The following ST6GAL2 variants were observed in gnomAD, a reference collection of about 807,000 sequenced individuals.
The protein encoded by ST6GAL2 is ST6 beta-galactoside alpha-2,6-sialyltransferase 2, also known as beta-galactoside alpha-2,6-sialyltransferase 2.
ST6GAL2 carries 24 observed loss-of-function variants against 37.5 expected under a neutral mutation model. That is an observed-to-expected ratio of 0.64 (90% CI 0.46 to 0.90). ST6GAL2 has a LOEUF of 0.90. Among genes scored for constraint, ST6GAL2 ranks in the 40% least tolerant of loss-of-function variants. The pLI is 0.00. For synonymous variants in ST6GAL2, 306 were observed against 295.1 expected, an observed-to-expected ratio of 1.04 and a Z score of -0.38; for missense variants, 715 against 712.7, an observed-to-expected ratio of 1.00 and a Z score of -0.04.
intron 2 of ST6GAL2, among the ~76,000 whole-genome samples, chr2:106,836,944 C>CAAAAAAAAAAAAAAAAAAAAA (rs10700905): frequency 1.2e-5 from 1 of 85,726 alleles, no homozygotes; most frequent in Non-Finnish European, 2.0e-5. Flanking sequence ...AATTCCATCT[C>CAAAAAAAAAAAAAAAAAAAAA]AAAAAAAAAA....
At chr2:106,877,148 A>G (rs1678538810) in intron 1 of ST6GAL2, among the ~76,000 whole-genome samples, 1 of 152,204 alleles carries the variant, frequency 6.6e-6, no homozygotes, top group South Asian at 2.1e-4. Context: ...GTTACTGACT[A>G]CAATACCACC....
intron 1 of ST6GAL2, among the ~76,000 whole-genome samples, chr2:106,870,108 G>A (rs1442301572): frequency 6.6e-6 from 1 of 152,088 alleles, no homozygotes; most frequent in Non-Finnish European, 1.5e-5. Context: ...GGGGATGGGG[G>A]GCGCTACAGT....
chr2:106,835,760 G>C (rs532924109), intron 2 of ST6GAL2, among the ~76,000 whole-genome samples: 1 of 152,082 alleles, frequency 6.6e-6, no homozygotes, highest in East Asian at 1.9e-4. Context: ...CTACTACCAG[G>C]CTCTGTAAAA....
intron 1 of ST6GAL2, among the ~76,000 whole-genome samples, chr2:106,845,906 A>G (rs1677124500): frequency 6.6e-6 from 1 of 152,106 alleles, no homozygotes; most frequent in Non-Finnish European, 1.5e-5. Context: ...GCCTCTCAGG[A>G]CATTCACTCT....
At chr2:106,865,856 C>T (rs1395660166) in intron 1 of ST6GAL2, among the ~76,000 whole-genome samples, 1 of 152,110 alleles carries the variant, frequency 6.6e-6, no homozygotes, top group Non-Finnish European at 1.5e-5. Context: ...GTTTCATTTG[C>T]TTATTCATTT....
At chr2:106,845,758 C>G (rs888880717) in intron 1 of ST6GAL2, among the ~76,000 whole-genome samples, 2 of 152,146 alleles carry the variant, frequency 1.3e-5, no homozygotes, top group Admixed American at 6.5e-5. Context: ...TTCTGTGACC[C>G]TCCACCCAGA....
At chr2:106,854,403 G>C (rs996395432) in intron 1 of ST6GAL2, among the ~76,000 whole-genome samples, 2 of 152,164 alleles carry the variant, frequency 1.3e-5, no homozygotes, top group Non-Finnish European at 2.9e-5. Context: ...CCCAAAAAGA[G>C]AGCACAATAT....
At chr2:106,823,501 AGAGATC>A (rs1472113754) in intron 5 of ST6GAL2, among the ~76,000 whole-genome samples, 1 of 117,654 alleles carries the variant, frequency 8.5e-6, no homozygotes, top group African/African-American at 2.7e-5. Context: ...AGAGAGAGAG[AGAGATC>A]GAGAGAGAGA....
At chr2:106,823,081 A>G (rs1228932815) in intron 5 of ST6GAL2, 1 of 152,210 alleles carries the variant, frequency 6.6e-6, no homozygotes, top group East Asian at 1.9e-4. Flanking sequence ...CTTCAATGCT[A>G]GGTCAATGTG....
At chr2:106,870,801 T>C (rs1029864715) in intron 1 of ST6GAL2, among the ~76,000 whole-genome samples, 7 of 152,134 alleles carry the variant, frequency 4.6e-5, no homozygotes, top group Non-Finnish European at 8.8e-5. Context: ...AATTAAAAAG[T>C]GCAGAGAAAC....
At chr2:106,860,433 G>T (rs1322744901) in intron 1 of ST6GAL2, among the ~76,000 whole-genome samples, 1 of 152,166 alleles carries the variant, frequency 6.6e-6, no homozygotes, top group East Asian at 1.9e-4. Context: ...GCCTGGGAAG[G>T]TCTTTTGCAG....
Position 106,825,077 on chromosome 2 carries a change from G to A in ST6GAL2, c.1318+4989C>T, listed in dbSNP as rs540494229. 2.0e-5 allele frequency: 3 copies of A among 152,354 alleles called. No individual in the cohort carries two copies. The East Asian group carries it at 5.8e-4, about 29-fold the overall frequency. The allele number at this position is 152,354 out of a possible 1,614,324, so 9.4% of individuals were successfully genotyped here. A position where few individuals can be genotyped will look rare whatever the true frequency, so the allele number is the denominator to read the frequency against. ...CCGGTAATCTGGTTTACAAAACTGT[G>A]ACAGCCACCCTCCAAACTGACTCCA... On this transcript the variant is annotated intron_variant, in intron 5 of 5. Transcript: ENST00000409382.
At chr2:106,872,226 G>C (rs1678299949) in intron 1 of ST6GAL2, among the ~76,000 whole-genome samples, 3 of 152,208 alleles carry the variant, frequency 2.0e-5, no homozygotes, top group Admixed American at 2.0e-4. Flanking sequence ...TGAAATAACA[G>C]CAATGCTGAA....
At chr2:106,826,440 T>C (rs1320713705) in intron 5 of ST6GAL2, among the ~76,000 whole-genome samples, 1 of 151,148 alleles carries the variant, frequency 6.6e-6, no homozygotes, top group Non-Finnish European at 1.5e-5. Flanking sequence ...CTTGGGAGGC[T>C]GAGGCAGGAG....
At chr2:106,836,356 ATTC>A (rs1435717151) in intron 2 of ST6GAL2, among the ~76,000 whole-genome samples, 5 of 152,188 alleles carry the variant, frequency 3.3e-5, no homozygotes, top group Admixed American at 6.5e-5. Context: ...AACTGTGAAT[ATTC>A]TTCTTTGATA....
intron 1 of ST6GAL2, among the ~76,000 whole-genome samples, chr2:106,865,533 G>C (rs1677989469): frequency 6.6e-6 from 1 of 152,212 alleles, no homozygotes; most frequent in Non-Finnish European, 1.5e-5. Context: ...CCGGTCAGCA[G>C]GTAACAGTAA....
At chr2:106,839,995 A>G (rs1384594303) in intron 2 of ST6GAL2, among the ~76,000 whole-genome samples, 2 of 152,162 alleles carry the variant, frequency 1.3e-5, no homozygotes, top group African/African-American at 4.8e-5. Flanking sequence ...ACAGAAGGGT[A>G]GGGGGATGGG....
At chr2:106,886,301 CT>C (rs1678991085), upstream of ST6GAL2, 1 of 152,220 alleles carries the variant, frequency 6.6e-6, no homozygotes, top group Admixed American at 6.5e-5. Context: ...CGCCGCGGAA[CT>C]TGGGGGCTGC....
chr2:106,821,218 TAAAC>T (rs1257477101), intron 5 of ST6GAL2, among the ~76,000 whole-genome samples: 2 of 151,062 alleles, frequency 1.3e-5, no homozygotes, highest in Non-Finnish European at 3.0e-5. Context: ...TTTGAAAAGA[TAAAC>T]AAAATTGAAA....
Sources: allele counts gnomAD v4.1 joint callset (sites outside exome capture counted in the v4.1 genomes callset), GRCh38; gene constraint gnomAD v4.1.1; transcripts MANE v1.5; gene names NCBI Gene and HGNC (gene_info 2026-07-23, HGNC 2026-07-21).